LTBP1: variants seen among roughly 807,000 people sequenced by gnomAD.
LTBP1 encodes the protein latent transforming growth factor beta binding protein 1.
LTBP1 carries 129 observed loss-of-function variants against 207.6 expected under a neutral mutation model. The ratio of observed to expected loss-of-function variants is 0.62; its 90% CI spans 0.54 to 0.72. LTBP1 has a LOEUF of 0.72. Ranked by LOEUF, LTBP1 falls within the 30% of genes least tolerant of loss-of-function variation. The pLI is 0.00. For missense variants in LTBP1, 2,281 were observed against 2,217.2 expected (o/e 1.03, Z -0.58); for synonymous variants, 963 against 833.7 (o/e 1.16, Z -2.67).
intron 31 of LTBP1, among the ~76,000 whole-genome samples, chr2:33,377,569 A>G (rs1393992508): frequency 6.6e-6 from 1 of 152,180 alleles, no homozygotes; most frequent in Non-Finnish European, 1.5e-5. Context: ...TAGAAAATAA[A>G]TTTCATTATG....
chr2:33,190,919 A>G (rs2087796739), intron 7 of LTBP1, among the ~76,000 whole-genome samples: 1 of 152,174 alleles, frequency 6.6e-6, no homozygotes, highest in Non-Finnish European at 1.5e-5. Flanking sequence ...GTCTAAATTT[A>G]GCTTAAAAGT....
chr2:33,188,658 T>G lies in LTBP1; in HGVS notation c.1508T>G (p.Ile503Ser), dbSNP rs1244261666. Residue 503 changes from isoleucine to serine, a missense_variant, in exon 7 of 34, where the codon ATT becomes AGT. Ile to Ser is a moderately radical substitution (Grantham distance 142). Transcript: ENST00000404816. ...ASVQIHQVSR[I>S]DGPTGQKTKE... ...GTCCAGATACATCAGGTTTCAAGAA[T>G]TGATGGCCCAACAGGCCAGAAGACA... 6.2e-7 allele frequency: 1 copy of G among 1,614,088 alleles called. No individual in the cohort carries two copies. Among genetic ancestry groups the G allele is most frequent in the East Asian group, 2.2e-5 (1 of 44,864 alleles).
intron 2 of LTBP1, among the ~76,000 whole-genome samples, chr2:32,982,153 A>G (rs1242614210): frequency 6.6e-6 from 1 of 152,178 alleles, no homozygotes; most frequent in Non-Finnish European, 1.5e-5. Flanking sequence ...TAGAGACAAT[A>G]AAGTCCAGGC....
intron 3 of LTBP1, among the ~76,000 whole-genome samples, chr2:33,038,435 C>T (rs767279999): frequency 1.3e-5 from 2 of 152,232 alleles, no homozygotes; most frequent in Non-Finnish European, 2.9e-5. Flanking sequence ...TCTAGGCATC[C>T]AGAAATGGCA....
intron 15 of LTBP1, among the ~76,000 whole-genome samples, chr2:33,272,685 C>T (rs902758413): frequency 6.6e-6 from 1 of 152,172 alleles, no homozygotes; most frequent in Non-Finnish European, 1.5e-5. Flanking sequence ...GTCACTTGCC[C>T]CATTCTGCAG....
intron 4 of LTBP1, among the ~76,000 whole-genome samples, chr2:33,132,699 A>G (rs1217852987): frequency 2.0e-5 from 3 of 152,222 alleles, no homozygotes; most frequent in Non-Finnish European, 4.4e-5. Context: ...CTCCAGGGTT[A>G]GAACCACCGG....
intron 3 of LTBP1, among the ~76,000 whole-genome samples, chr2:33,102,245 A>G (rs2079780263): frequency 6.6e-6 from 1 of 152,070 alleles, no homozygotes; most frequent in African/African-American, 2.4e-5. Flanking sequence ...CCATGGAACT[A>G]TTGATATATT....
chr2:33,145,874 T>TA (rs1335378415), intron 5 of LTBP1, among the ~76,000 whole-genome samples: 6 of 152,224 alleles, frequency 3.9e-5, no homozygotes, highest in African/African-American at 1.4e-4. Flanking sequence ...TTTATTGAAA[T>TA]ACACTCACTG....
At chr2:33,289,185 A>G (rs2093726242) in intron 19 of LTBP1, among the ~76,000 whole-genome samples, 1 of 152,124 alleles carries the variant, frequency 6.6e-6, no homozygotes, top group Non-Finnish European at 1.5e-5. Context: ...ATTGGGTGAT[A>G]GGATTGTAAG....
intron 3 of LTBP1, among the ~76,000 whole-genome samples, chr2:33,023,701 A>G (rs774258745): frequency 3.3e-5 from 5 of 152,214 alleles, no homozygotes; most frequent in Non-Finnish European, 5.9e-5. Context: ...TAAGATGTAC[A>G]AGATCCAGTC....
intron 2 of LTBP1, among the ~76,000 whole-genome samples, chr2:32,959,090 T>C (rs1396617256): frequency 6.6e-6 from 1 of 152,222 alleles, no homozygotes; most frequent in Admixed American, 6.5e-5. Flanking sequence ...GGCATGGACA[T>C]AAGTAAACAG....
At position 33,364,004 on chromosome 2, in the gene LTBP1, T is replaced by TCAG. The variant is rs112068660; in HGVS notation, c.4400-197_4400-195dup. 9.5e-3 allele frequency among the ~76,000 whole-genome samples: 1,438 copies of TCAG among 152,162 alleles called. 22 individuals are homozygous for TCAG. Among genetic ancestry groups the TCAG allele is most frequent in the African/African-American group, 0.032 (1,348 of 41,566 alleles). ...GGATGTTTTCTTTCCTTATTTAATG[T>TCAG]CAGCAGCAGCAGCAGCAATGTTGTT... On this transcript the variant is annotated intron_variant, in intron 29 of 33. Transcript: ENST00000404816.
chr2:33,218,003 A>G (rs566672786), intron 8 of LTBP1, among the ~76,000 whole-genome samples: 2 of 152,348 alleles, frequency 1.3e-5, no homozygotes, highest in East Asian at 1.9e-4. Context: ...TAAAAAGTAC[A>G]GTTGTTATTT....
intron 9 of LTBP1, among the ~76,000 whole-genome samples, chr2:33,241,351 T>C (rs74565093): frequency 0.086 from 13,025 of 152,262 alleles, 908 homozygotes; most frequent in African/African-American, 0.19. Flanking sequence ...TGCTTGGTCA[T>C]TTTGTTTGTT....
chr2:33,084,160 TA>T (rs939793256), intron 3 of LTBP1, among the ~76,000 whole-genome samples: 4 of 152,110 alleles, frequency 2.6e-5, no homozygotes, highest in African/African-American at 9.7e-5. Context: ...TTTTGTGGGA[TA>T]AAAAAAACAC....
chr2:33,252,800 A>C lies in LTBP1; in HGVS notation c.2123A>C (p.Lys708Thr). Reference sequence around the variant, plus strand: ...CAGCTCTGCTGTTGTAGTGTGGGCAAGGCCTGGGGCCCACACTGTGAGAAA... The same window carrying C: ...CAGCTCTGCTGTTGTAGTGTGGGCACGGCCTGGGGCCCACACTGTGAGAAA... ...TKQLCCCSVG[K>T]AWGPHCEKCP... Residue 708 changes from lysine (K) to threonine (T), a missense_variant, in exon 11 of 34, where the codon AAG becomes ACG. This residue lies in a region of LTBP1 where 1,671 missense variants were observed against 1,634.8 expected (regional missense o/e 1.02). Transcript: ENST00000404816. 6.2e-7 allele frequency: 1 copy of C among 1,613,424 alleles called. No individual in the cohort carries two copies. The highest frequency in any genetic ancestry group is 8.5e-7 in the Non-Finnish European group (1 of 1,179,500).
intron 5 of LTBP1, among the ~76,000 whole-genome samples, chr2:33,149,921 G>A (rs1354042478): frequency 6.6e-6 from 1 of 152,006 alleles, no homozygotes. Flanking sequence ...ACCTTGGGAG[G>A]GTATGGGTTT....
rs968465536 is a variant in LTBP1 at position 32,947,804 on chromosome 2, G to A, written c.480G>A (p.Lys160=). 38 of 1,455,012 alleles carry A rather than the reference G, an allele frequency of 2.6e-5. No individual in the cohort carries two copies. Among genetic ancestry groups the A allele is most frequent in the Non-Finnish European group, 3.5e-5 (38 of 1,097,694 alleles). The allele number at this position is 1,455,012 out of a possible 1,614,324, so 90.1% of individuals were successfully genotyped here. A position where few individuals can be genotyped will look rare whatever the true frequency, so the allele number is the denominator to read the frequency against. Residue 160 remains lysine, a synonymous_variant, in exon 1 of 34, where the codon AAG becomes AAA. Coordinates refer to ENST00000404816, the MANE Select transcript of LTBP1 (RefSeq NM_206943.4). ...GCTCTAGGCTGCAGGTTCACCAGAA[G>A]CAGCAGCTGCAGGGGTAAGCCCACA... ...GGGSRLQVHQ[K]QQLQGVNVCG... is the part of the protein sequence containing the mutation.
chr2:33,064,679 T>C (rs1288507436), intron 3 of LTBP1, among the ~76,000 whole-genome samples: 1 of 152,202 alleles, frequency 6.6e-6, no homozygotes, highest in Non-Finnish European at 1.5e-5. Flanking sequence ...AACAAATCTT[T>C]CCTTTGCCAC....
Sources: gnomAD v4.1 joint callset for allele counts (sites outside exome capture counted in the v4.1 genomes callset) on GRCh38, gnomAD v4.1.1 for gene constraint, gnomAD v4.1.1 regional missense constraint, MANE v1.5 for transcripts, NCBI Gene and HGNC (gene_info 2026-07-23, HGNC 2026-07-21) for gene names.